The following RNF213 variants were observed in gnomAD, a reference collection of about 807,000 sequenced individuals.
RNF213 encodes the protein E3 ubiquitin-protein ligase RNF213.
RNF213 carries 341 observed loss-of-function variants against 514.4 expected under a neutral mutation model. That is an observed-to-expected ratio of 0.66 (90% CI 0.61 to 0.73). The LOEUF is 0.73. Ranked by LOEUF, RNF213 falls within the 30% of genes least tolerant of loss-of-function variation. The pLI, the probability that RNF213 is intolerant of heterozygous loss-of-function variation, is 0.00. For synonymous variants in RNF213, 2,655 were observed against 2,658.2 expected (o/e 1.00, Z 0.04); for missense variants, 5,767 against 6,615.6 (o/e 0.87, Z 4.45).
intron 39 of RNF213, 118 bp from the exon 40 acceptor site, chr17:80,362,984 G>C (rs1428155341): frequency 7.0e-5 from 68 of 977,510 alleles, no homozygotes; most frequent in Non-Finnish European, 1.0e-4. Flanking sequence ...GGACAGAATA[G>C]CACACATGGT....
Position 80,353,704 on chromosome 17 carries a change from G to A in RNF213, c.10578+38G>A, listed in dbSNP as rs1056106434. 4.3e-6 allele frequency: 7 copies of A among 1,613,490 alleles called. No individual in the cohort carries two copies. The highest frequency in any genetic ancestry group is 2.7e-5 in the African/African-American group (2 of 74,916). Reference sequence around the variant, plus strand: ...TCTTGGGACCTCCCCTTGTGCTGCTGGTGATGCTTCTGAGCTGCATCTTTA... The same window carrying A: ...TCTTGGGACCTCCCCTTGTGCTGCTAGTGATGCTTCTGAGCTGCATCTTTA... On this transcript the variant is annotated intron_variant, in intron 34 of 67. Coordinates refer to ENST00000582970, the MANE Select transcript of RNF213 (RefSeq NM_001256071.3). This position sits in a 1 kb window ranked among gnomAD's most constrained non-coding sequence, Gnocchi z 5.0.
At chr17:80,384,330 G>C (rs938982349) in intron 59 of RNF213, among the ~76,000 whole-genome samples, 23 of 152,216 alleles carry the variant, frequency 1.5e-4, no homozygotes, top group African/African-American at 4.3e-4. Context: ...CGAGGCGTAC[G>C]TGGAAGACGG....
chr17:80,379,673 A>G lies in RNF213; in HGVS notation c.13599A>G (p.Gly4533=), dbSNP rs1482379409. Residue 4533 remains glycine, a synonymous_variant, in exon 55 of 68, where the codon GGA becomes GGG. Transcript: ENST00000582970. The stretch of plus-strand genomic sequence containing the variant: ...GCATTGACTGCCATGCGCCGATTGG[A>G]GGCATTGACCACAAACCTCGGGACG... The part of the protein sequence containing the change: ...SICIDCHAPI[G]GIDHKPRDGF... The G allele has an allele frequency of 6.2e-7, 1 of 1,614,216 alleles. No individual in the cohort carries two copies. The highest frequency in any genetic ancestry group is 8.5e-7 in the Non-Finnish European group (1 of 1,180,036).
rs945330190 is a variant in RNF213, at chr17:80,372,982, C to A, written c.12759C>A (p.Ala4253=). ...TTCTCGTTGGCCTCTCAGAGATGGC[C>A]AAGGAGAAGCAGTGCTACCTGCAGC... ...LSEPEGGPEM[A]KEKQCYLQQV... The change falls in exon 49 of 68, where the codon GCC becomes GCA. Residue 4253 remains alanine, a synonymous_variant. Coordinates refer to ENST00000582970, the MANE Select transcript of RNF213 (RefSeq NM_001256071.3). The A allele has an allele frequency of 2.5e-6, 4 of 1,613,640 alleles. No individual in the cohort carries two copies. The highest frequency in any genetic ancestry group is 3.4e-6 in the Non-Finnish European group (4 of 1,179,894).
chr17:80,329,604 G>A (rs1019422624), intron 20 of RNF213, among the ~76,000 whole-genome samples: 1 of 152,168 alleles, frequency 6.6e-6, no homozygotes, highest in African/African-American at 2.4e-5. Flanking sequence ...CAAGGCAGGA[G>A]GACTGCTTGA....
intron 21 of RNF213, among the ~76,000 whole-genome samples, chr17:80,333,010 G>A (rs974806646): frequency 1.3e-5 from 2 of 151,816 alleles, no homozygotes; most frequent in Non-Finnish European, 2.9e-5. Context: ...ACCCAAAAGC[G>A]GTAAATCAGT....
At position 80,374,538 on chromosome 17, in the gene RNF213, G is replaced by A. The variant is rs9897381; in HGVS notation, c.13023G>A (p.Val4341=). The A allele has an allele frequency of 5.8e-3, 9,306 of 1,614,156 alleles. 512 individuals are homozygous for A. The African/African-American group carries it at 0.11, about 19-fold the overall frequency. Residue 4341 remains valine, a synonymous_variant, in exon 50 of 68, where the codon GTG becomes GTA. Transcript: ENST00000582970. ...AATACAAGGCTCTCCGTGATGCTGTGGCCAAAGCTGTCCTCGAGTGCAAGC... is the reference window on the plus strand; with the variant it reads ...AATACAAGGCTCTCCGTGATGCTGTAGCCAAAGCTGTCCTCGAGTGCAAGC... ...GDEYKALRDA[V]AKAVLECKPL... is the part of the protein sequence containing the mutation.
At chr17:80,299,296 G>GT (rs943622390) in intron 11 of RNF213, among the ~76,000 whole-genome samples, 15 of 152,168 alleles carry the variant, frequency 9.9e-5, no homozygotes, top group African/African-American at 3.6e-4. Context: ...TGGTTGTGCA[G>GT]TTTCGTTTTT....
At chr17:80,313,777 T>C (rs2045680080) in intron 15 of RNF213, among the ~76,000 whole-genome samples, 1 of 144,850 alleles carries the variant, frequency 6.9e-6, no homozygotes, top group East Asian at 2.0e-4. Context: ...GTACTGGAGG[T>C]GATGGTGGTG....
chr17:80,371,781 C>T (rs988790993), intron 46 of RNF213, 93 bp from the exon 47 acceptor site: 74 of 724,932 alleles, frequency 1.0e-4, no homozygotes, highest in Non-Finnish European at 1.3e-5. Flanking sequence ...CACACACACA[C>T]AGGACAGACG....
intron 44 of RNF213, among the ~76,000 whole-genome samples, chr17:80,369,006 A>G (rs1408493761): frequency 6.6e-6 from 1 of 152,210 alleles, no homozygotes; most frequent in Non-Finnish European, 1.5e-5. Flanking sequence ...CCAAATGATC[A>G]AAGTGTTTCC....
At chr17:80,335,010 C>A (rs1290802516) in intron 22 of RNF213, among the ~76,000 whole-genome samples, 1 of 151,646 alleles carries the variant, frequency 6.6e-6, no homozygotes, top group Non-Finnish European at 1.5e-5. Context: ...CAACCTCCAC[C>A]TCCTGGATTC....
Position 80,282,307 on chromosome 17 carries a change from G to A in RNF213, c.262-5508G>A, listed in dbSNP as rs561823725. On this transcript the variant is annotated intron_variant, in intron 3 of 67. Coordinates refer to ENST00000582970, the MANE Select transcript of RNF213 (RefSeq NM_001256071.3). ...TCGTTATTTTCTGTTTTCTTCCCCA[G>A]TATTTTCTGTCTGTGGTTGGCTGAA... Among the ~76,000 whole-genome samples the A allele has an allele frequency of 2.6e-5, 4 of 152,294 alleles. No homozygotes were observed. In the South Asian group the frequency reaches 8.3e-4, roughly 32 times the overall value.
chr17:80,369,926 C>A lies in RNF213; in HGVS notation c.12425+59C>A, dbSNP rs112893661. 3.4e-6 allele frequency: 4 copies of A among 1,178,678 alleles called. No individual in the cohort carries two copies. The African/African-American group carries it at 4.5e-5, about 13-fold the overall frequency. 73.0% of individuals were successfully genotyped at this position (1,178,678 alleles called of 1,614,324 possible). On this transcript the variant is annotated intron_variant, in intron 46 of 67. Coordinates refer to ENST00000582970, the MANE Select transcript of RNF213 (RefSeq NM_001256071.3). ...CCCTGGCTTTTTCTCTTCATCGCAG[C>A]GTTTTGTTACCAAGTCTTCTTGTCG...
chr17:80,318,511 A>G (rs995452033), intron 16 of RNF213, among the ~76,000 whole-genome samples: 2 of 152,200 alleles, frequency 1.3e-5, no homozygotes, highest in Non-Finnish European at 2.9e-5. Context: ...CATGCCCCTC[A>G]TGCTGAATTA....
At chr17:80,293,340 C>T (rs1000776513) in intron 8 of RNF213, among the ~76,000 whole-genome samples, 5 of 151,952 alleles carry the variant, frequency 3.3e-5, no homozygotes, top group Admixed American at 6.6e-5. Context: ...GGGATTAAGA[C>T]GTGAGCCACT....
chr17:80,351,097 A>C (rs2078493402), intron 31 of RNF213, among the ~76,000 whole-genome samples: 1 of 152,178 alleles, frequency 6.6e-6, no homozygotes, highest in Admixed American at 6.6e-5. Flanking sequence ...TGGATGCCAT[A>C]TTTCAGTTCG....
chr17:80,297,462 A>C (rs1315700228), intron 10 of RNF213, among the ~76,000 whole-genome samples: 1 of 146,508 alleles, frequency 6.8e-6, no homozygotes, highest in African/African-American at 2.5e-5. Flanking sequence ...AAAAAAAAAA[A>C]AGTTGTTTTG....
intron 2 of RNF213, among the ~76,000 whole-genome samples, chr17:80,265,331 G>A (rs1486133715): frequency 1.3e-5 from 2 of 152,188 alleles, no homozygotes; most frequent in Non-Finnish European, 2.9e-5. Context: ...ATAGGCGTGA[G>A]CCACCGCGCC....
Sources: allele counts gnomAD v4.1 joint callset (sites outside exome capture counted in the v4.1 genomes callset), GRCh38; gene constraint gnomAD v4.1.1; non-coding constraint Gnocchi (gnomAD v3.1); transcripts MANE v1.5; gene names NCBI Gene and HGNC (gene_info 2026-07-23, HGNC 2026-07-21).